QRICH2: variants seen among roughly 807,000 people sequenced by gnomAD.
The protein encoded by QRICH2 is glutamine rich 2.
Under a neutral mutation model 168.3 loss-of-function variants are expected in QRICH2, and 119 were observed. That is an observed-to-expected ratio of 0.71 (90% CI 0.61 to 0.82). The LOEUF (loss-of-function observed/expected upper bound fraction) is 0.82. Among genes scored for constraint, QRICH2 ranks in the 40% least tolerant of loss-of-function variants. The pLI, the probability that QRICH2 is intolerant of heterozygous loss-of-function variation, is 0.00. For missense variants in QRICH2, 2,241 were observed against 2,491.6 expected, an observed-to-expected ratio of 0.90 and a Z score of 2.14; for synonymous variants, 894 against 951.2, an observed-to-expected ratio of 0.94 and a Z score of 1.11.
rs745885969 is a variant in QRICH2 at position 76,304,475 on chromosome 17, G to A, written c.645C>T (p.Thr215=). ...LSLVPGAEEV[T]MVTWEELEQA... ...GCTCCAGCTCTTCCCAGGTGACCATGGTGACTTCTTCTGCACCAGGAACCA... is the reference window on the plus strand; with the variant it reads ...GCTCCAGCTCTTCCCAGGTGACCATAGTGACTTCTTCTGCACCAGGAACCA... The change falls in exon 3 of 19, where the codon ACC becomes ACT. Residue 215 remains threonine (T), a synonymous_variant. Transcript: ENST00000680821. The A allele has an allele frequency of 1.2e-5, 20 of 1,613,824 alleles. No homozygotes were observed. The highest frequency in any genetic ancestry group is 9.9e-5 in the South Asian group (9 of 91,068).
At position 76,304,640 on chromosome 17, in the gene QRICH2, G is replaced by A. The variant is rs919484215; in HGVS notation, c.595-115C>T. On this transcript the variant is annotated intron_variant, in intron 2 of 18. Transcript: ENST00000680821. Reference sequence around the variant, plus strand: ...GGTCCTTCACAGCCCCAGCCCCAGGGAGAATTCATCACCCTTCAAGTGACC... The same window carrying A: ...GGTCCTTCACAGCCCCAGCCCCAGGAAGAATTCATCACCCTTCAAGTGACC... The A allele has an allele frequency of 3.2e-5, 25 of 775,812 alleles. No homozygotes were observed. The African/African-American group carries it at 3.6e-4, about 11-fold the overall frequency. 48.1% of individuals were successfully genotyped at this position (775,812 alleles called of 1,614,324 possible).
At chr17:76,288,085 A>G (rs2070923065) in intron 5 of QRICH2, among the ~76,000 whole-genome samples, 188 bp from the exon 6 acceptor site, 1 of 152,216 alleles carries the variant, frequency 6.6e-6, no homozygotes, top group African/African-American at 2.4e-5. Context: ...GAAAGCTGGC[A>G]TTAAGAGAAT....
chr17:76,295,073 C>CAAACAAACAAATAAATAAAT (rs1555675460), intron 3 of QRICH2, among the ~76,000 whole-genome samples: 189 of 143,314 alleles, frequency 1.3e-3, no homozygotes, highest in African/African-American at 3.4e-3. Context: ...CTACTAAAAA[C>CAAACAAACAAATAAATAAAT]AAATAAATAA....
Position 76,291,693 on chromosome 17 carries a change from C to T in QRICH2, c.3034G>A (p.Val1012Ile), listed in dbSNP as rs1341581724. 15 of 1,614,024 alleles carry T rather than the reference C, an allele frequency of 9.3e-6. No homozygotes were observed. Among genetic ancestry groups the T allele is most frequent in the Non-Finnish European group, 1.3e-5 (15 of 1,180,028 alleles). Residue 1012 changes from valine to isoleucine, a missense_variant, in exon 4 of 19, where the codon GTA becomes ATA. Around this residue, in one of 3 missense-constraint regions of QRICH2, gnomAD observed 2,047 missense variants for 2,303.8 expected, o/e 0.89. Coordinates refer to ENST00000680821, the MANE Select transcript of QRICH2 (RefSeq NM_001388453.1). The part of the protein sequence containing the change: ...ISVRPYQHGM[V>I]PPGREQYGQV... The stretch of plus-strand genomic sequence containing the variant: ...CCGTATTGTTCTCTGCCAGGAGGTA[C>T]CATACCATGTTGATATGGACGTACT...
intron 3 of QRICH2, among the ~76,000 whole-genome samples, chr17:76,302,077 T>G (rs567351964): frequency 2.0e-5 from 3 of 152,212 alleles, no homozygotes; most frequent in African/African-American, 7.2e-5. Context: ...TTTTGTATTT[T>G]TAGTAGAGAT....
intron 14 of QRICH2, 139 bp from the exon 15 acceptor site, chr17:76,278,328 C>T (rs2070727459): frequency 1.3e-6 from 1 of 748,602 alleles, no homozygotes. Context: ...CTTGACCCCT[C>T]AGCAGTAGTC....
At chr17:76,294,105 C>T (rs1406771398) in intron 3 of QRICH2, 84 bp from the exon 4 acceptor site, 23 of 1,500,280 alleles carry the variant, frequency 1.5e-5, no homozygotes, top group Non-Finnish European at 1.7e-5. Flanking sequence ...GAAGTTCTGA[C>T]TAGGATGATT....
Position 76,274,230 on chromosome 17 carries a change from G to T in QRICH2, c.5513C>A (p.Ser1838Tyr), listed in dbSNP as rs766501626. 6.3e-7 allele frequency: 1 copy of T among 1,596,736 alleles called. No individual in the cohort carries two copies. Among genetic ancestry groups the T allele is most frequent in the Non-Finnish European group, 8.5e-7 (1 of 1,174,118 alleles). Reference protein sequence around the residue: ...VSSRQQKDRPSSEGRLSQPNT... With the variant: ...VSSRQQKDRPYSEGRLSQPNT... The stretch of plus-strand genomic sequence containing the variant: ...CGGCTGGGAGAGACGGCCCTCGGAG[G>T]AAGGTCTATCTTTCTGTTGACGAGA... The change falls in exon 19 of 19, where the codon TCC becomes TAC. Residue 1838 changes from serine to tyrosine, a missense_variant. Physicochemically the swap from Ser to Tyr is moderately radical, Grantham distance 144. Transcript: ENST00000680821.
At chr17:76,275,172 C>T (rs1238758296) in intron 18 of QRICH2, among the ~76,000 whole-genome samples, 1 of 151,970 alleles carries the variant, frequency 6.6e-6, no homozygotes, top group African/African-American at 2.4e-5. Flanking sequence ...GGAGGAAGGT[C>T]GGCAGCTTTT....
intron 1 of QRICH2, among the ~76,000 whole-genome samples, chr17:76,305,400 G>A (rs775529833): frequency 2.0e-5 from 3 of 152,036 alleles, no homozygotes; most frequent in Non-Finnish European, 4.4e-5. Flanking sequence ...TCCTGGGTCC[G>A]AGCAATCCTC....
At position 76,307,904 on chromosome 17, in the gene QRICH2, G is replaced by A. The variant is rs1406470602; in HGVS notation, c.95C>T (p.Thr32Met). Residue 32 changes from threonine (T) to methionine (M), a missense_variant, in exon 1 of 19, where the codon ACG becomes ATG. Around this residue, in one of 3 missense-constraint regions of QRICH2, gnomAD observed 2,047 missense variants for 2,303.8 expected, o/e 0.89. Coordinates refer to ENST00000680821, the MANE Select transcript of QRICH2 (RefSeq NM_001388453.1). This position sits in a 1 kb window ranked among gnomAD's most constrained non-coding sequence, Gnocchi z 5.3. ...VGAVNFTALH[T>M]LIVAMLKNLD... ...GTTCTTGAGCATGGCCACGATGAGC[G>A]TGTGCAGGGCCGTGAAGTTGACGGC... 3.2e-6 allele frequency: 4 copies of A among 1,264,394 alleles called. No individual in the cohort carries two copies. The highest frequency in any genetic ancestry group is 3.0e-6 in the Non-Finnish European group (3 of 1,006,700). The allele number at this position is 1,264,394 out of a possible 1,614,324, so 78.3% of individuals were successfully genotyped here. A position where few individuals can be genotyped will look rare whatever the true frequency, so the allele number is the denominator to read the frequency against.
chr17:76,275,750 G>A, intron 18 of QRICH2, 69 bp downstream of exon 18: 6 of 1,563,042 alleles, frequency 3.8e-6, no homozygotes, highest in South Asian at 1.2e-5. Flanking sequence ...GGCCCTACAT[G>A]AGCAGGAAAG....
At chr17:76,290,136 T>A in intron 4 of QRICH2, 59 bp from the exon 5 acceptor site, 1 of 1,282,442 alleles carries the variant, frequency 7.8e-7, no homozygotes, top group Non-Finnish European at 1.1e-6. Flanking sequence ...GCTCCCAATC[T>A]CCATTTCCAG....
At position 76,274,261 on chromosome 17, in the gene QRICH2, CTG is replaced by C. The variant is rs752562064; in HGVS notation, c.5483-3_5483-2del. On this transcript the variant is annotated splice_acceptor_variant and splice_polypyrimidine_tract_variant and intron_variant, in intron 18 of 18. Transcript: ENST00000680821. LOFTEE classifies it high-confidence loss of function. ...CTATCTTTCTGTTGACGAGAAGAAA[CTG>C]TAAGACAGGGGTGCTGAGGTTGCTC... The C allele has an allele frequency of 2.5e-6, 4 of 1,585,900 alleles. No homozygotes were observed. Among genetic ancestry groups the C allele is most frequent in the Middle Eastern group, 1.7e-4 (1 of 5,942 alleles).
Position 76,284,325 on chromosome 17 carries a change from T to C in QRICH2, c.4012-2210A>G, listed in dbSNP as rs572127569. ...AGTGAGAAAATGACCAAGAATTGCA[T>C]TGCAAGGCTTAAAGACAGACACTGT... is the stretch of plus-strand genomic sequence containing the variant. On this transcript the variant is annotated intron_variant, in intron 7 of 18. Transcript: ENST00000680821. Among the ~76,000 whole-genome samples, 2 of 142,774 alleles carry C rather than the reference T, an allele frequency of 1.4e-5. 1 individual carries two copies. Among genetic ancestry groups the C allele is most frequent in the South Asian group, 4.2e-4 (2 of 4,740 alleles). The allele number at this position is 142,774 out of a possible 152,430, so 93.7% of individuals were successfully genotyped here.
intron 6 of QRICH2, 63 bp from the exon 7 acceptor site, chr17:76,287,369 G>T: frequency 2.5e-6 from 3 of 1,207,070 alleles, no homozygotes; most frequent in Non-Finnish European, 3.7e-6. Flanking sequence ...CAGAGCCTGG[G>T]CCATCAGGGA....
chr17:76,302,601 G>A (rs1434677437), intron 3 of QRICH2, among the ~76,000 whole-genome samples: 1 of 152,158 alleles, frequency 6.6e-6, no homozygotes, highest in Non-Finnish European at 1.5e-5. Flanking sequence ...GCCAGAACCA[G>A]GGGCTGCCAG....
At chr17:76,284,134 C>T in intron 7 of QRICH2, among the ~76,000 whole-genome samples, 1 of 126,040 alleles carries the variant, frequency 7.9e-6, no homozygotes, top group Non-Finnish European at 1.5e-5. Flanking sequence ...TGCCACTGCA[C>T]TCCAGCCTGG....
chr17:76,276,081 T>C (rs2070673629), intron 17 of QRICH2, 134 bp from the exon 18 acceptor site: 1 of 1,086,654 alleles, frequency 9.2e-7, no homozygotes, highest in Middle Eastern at 3.1e-4. Flanking sequence ...CTCGTCATTC[T>C]GAATTTGTGG....
Sources: allele counts gnomAD v4.1 joint callset (sites outside exome capture counted in the v4.1 genomes callset), GRCh38; gene constraint gnomAD v4.1.1; regional missense constraint gnomAD v4.1.1; non-coding constraint Gnocchi (gnomAD v3.1); transcripts MANE v1.5; gene names NCBI Gene and HGNC (gene_info 2026-07-23, HGNC 2026-07-21).